The following ACOXL variants were observed in gnomAD, a reference collection of about 807,000 sequenced individuals.
ACOXL encodes the protein acyl-CoA oxidase like, also known as acyl-coenzyme A oxidase-like protein.
Under a neutral mutation model 71.9 loss-of-function variants are expected in ACOXL, and 70 were observed. The observed-to-expected ratio is 0.97, with a 90% confidence interval of 0.80 to 1.19. The LOEUF (loss-of-function observed/expected upper bound fraction) is 1.19. Among genes scored for constraint, ACOXL ranks in the 50% most tolerant of loss-of-function variants. The pLI is 0.00. For synonymous variants in ACOXL, 253 were observed against 281.6 expected, an observed-to-expected ratio of 0.90 and a Z score of 1.02; for missense variants, 703 against 736.3, an observed-to-expected ratio of 0.95 and a Z score of 0.52.
chr2:111,101,104 G>T (rs115944475), intron 17 of ACOXL: 2,932 of 152,752 alleles, frequency 0.019, 36 homozygotes, highest in Non-Finnish European at 0.027. Flanking sequence ...GCAGAAGTGT[G>T]GTAGACACCA....
chr2:110,822,988 C>T (rs1048064603), intron 9 of ACOXL, among the ~76,000 whole-genome samples: 3 of 152,144 alleles, frequency 2.0e-5, no homozygotes, highest in Non-Finnish European at 4.4e-5. Flanking sequence ...TGCAGTGGCT[C>T]ACACCTGTAC....
chr2:110,814,792 C>T (rs1687732348), intron 9 of ACOXL, among the ~76,000 whole-genome samples: 1 of 152,118 alleles, frequency 6.6e-6, no homozygotes, highest in African/African-American at 2.4e-5. Context: ...GCATCAAGGT[C>T]AAATGGAATC....
At chr2:111,041,557 C>T (rs1044471342) in intron 15 of ACOXL, among the ~76,000 whole-genome samples, 5 of 152,160 alleles carry the variant, frequency 3.3e-5, no homozygotes, top group Non-Finnish European at 7.3e-5. Flanking sequence ...GGAGATGACA[C>T]TGGGGAAAAG....
intron 1 of ACOXL, among the ~76,000 whole-genome samples, chr2:110,736,707 C>T (rs1676896467): frequency 6.6e-6 from 1 of 152,036 alleles, no homozygotes; most frequent in Non-Finnish European, 1.5e-5. Context: ...GCAAGCCCCG[C>T]CTCCCGGGCT....
At chr2:110,875,993 G>A (rs1386302481) in intron 10 of ACOXL, among the ~76,000 whole-genome samples, 1 of 152,148 alleles carries the variant, frequency 6.6e-6, no homozygotes, top group African/African-American at 2.4e-5. Context: ...GCACCAGCTG[G>A]AATCCTCAAA....
At chr2:110,882,861 A>G (rs184580212) in intron 10 of ACOXL, among the ~76,000 whole-genome samples, 33 of 152,302 alleles carry the variant, frequency 2.2e-4, no homozygotes, top group Admixed American at 9.8e-4. Context: ...TCAGAATATC[A>G]TTCAGCAATC....
At chr2:110,916,648 T>C (rs2059871277) in intron 11 of ACOXL, among the ~76,000 whole-genome samples, 1 of 151,796 alleles carries the variant, frequency 6.6e-6, no homozygotes, top group Admixed American at 6.6e-5. Flanking sequence ...ATTAACAAAA[T>C]AGATAGACAG....
At chr2:111,079,023 G>T (rs1322692687) in intron 16 of ACOXL, among the ~76,000 whole-genome samples, 1 of 152,122 alleles carries the variant, frequency 6.6e-6, no homozygotes, top group African/African-American at 2.4e-5. Flanking sequence ...ATTCTCATCT[G>T]TTTACTAGTT....
intron 9 of ACOXL, among the ~76,000 whole-genome samples, chr2:110,834,830 G>T (rs2175824): frequency 0.39 from 59,871 of 152,078 alleles, 11,998 homozygotes; most frequent in Non-Finnish European, 0.41. Flanking sequence ...TGATGTTGCT[G>T]CAGAGATGGC....
intron 10 of ACOXL, among the ~76,000 whole-genome samples, chr2:110,867,255 G>T (rs1192977948): frequency 1.3e-5 from 2 of 152,196 alleles, no homozygotes; most frequent in Non-Finnish European, 2.9e-5. Flanking sequence ...TCTAGCAGAT[G>T]TCAGCAAGTT....
chr2:110,890,210 A>G (rs1365355922), intron 10 of ACOXL, among the ~76,000 whole-genome samples: 1 of 152,218 alleles, frequency 6.6e-6, no homozygotes, highest in African/African-American at 2.4e-5. Context: ...ATATCATTCC[A>G]TGATGAGAGA....
intron 16 of ACOXL, among the ~76,000 whole-genome samples, chr2:111,066,429 A>G (rs770537706): frequency 6.6e-6 from 1 of 152,198 alleles, no homozygotes; most frequent in East Asian, 1.9e-4. Flanking sequence ...AAAGGGCAAC[A>G]TAAGGGACCT....
At chr2:110,997,761 A>G (rs770319252) in intron 14 of ACOXL, among the ~76,000 whole-genome samples, 9 of 152,236 alleles carry the variant, frequency 5.9e-5, no homozygotes, top group Non-Finnish European at 1.2e-4. Flanking sequence ...TTTAAAAAAC[A>G]GTCACGAAAT....
At chr2:110,813,734 C>T (rs1198151058) in intron 9 of ACOXL, among the ~76,000 whole-genome samples, 1 of 152,186 alleles carries the variant, frequency 6.6e-6, no homozygotes, top group Non-Finnish European at 1.5e-5. Flanking sequence ...AGTAGATTCC[C>T]ATAGAGAAAG....
At chr2:110,787,547 A>G (rs1165546578) in intron 3 of ACOXL, among the ~76,000 whole-genome samples, 11 of 151,654 alleles carry the variant, frequency 7.3e-5, no homozygotes, top group Non-Finnish European at 1.0e-4. Flanking sequence ...AAAAAAAAAA[A>G]AAAAAGAAAA....
chr2:110,873,988 A>G (rs966249210), intron 10 of ACOXL, among the ~76,000 whole-genome samples: 6 of 152,186 alleles, frequency 3.9e-5, no homozygotes, highest in Admixed American at 2.0e-4. Context: ...GGCCCTATCC[A>G]TGTCCTGGCC....
chr2:110,789,292 C>G (rs1684378424), intron 3 of ACOXL, among the ~76,000 whole-genome samples: 1 of 152,230 alleles, frequency 6.6e-6, no homozygotes, highest in Non-Finnish European at 1.5e-5. Context: ...TGGAAGGACT[C>G]TAACTAAAGC....
chr2:110,760,533 C>A (rs188087005), intron 1 of ACOXL, among the ~76,000 whole-genome samples: 16 of 152,258 alleles, frequency 1.1e-4, no homozygotes, highest in Non-Finnish European at 2.1e-4. Flanking sequence ...ACTGGGAGGA[C>A]CTTCTGGTCT....
At chr2:111,043,989 A>T (rs1326819892) in intron 15 of ACOXL, among the ~76,000 whole-genome samples, 1 of 152,118 alleles carries the variant, frequency 6.6e-6, no homozygotes, top group Non-Finnish European at 1.5e-5. Flanking sequence ...TGCCCCTCCT[A>T]TGTGGGGCCC....
Sources: allele counts gnomAD v4.1 joint callset (sites outside exome capture counted in the v4.1 genomes callset), GRCh38; gene constraint gnomAD v4.1.1; transcripts MANE v1.5; gene names NCBI Gene and HGNC (gene_info 2026-07-23, HGNC 2026-07-21).